The following BABAM2 variants were observed in gnomAD, a reference collection of about 807,000 sequenced individuals.
The protein encoded by BABAM2 is BRISC and BRCA1-A complex member 2.
Under a neutral mutation model 54.7 loss-of-function variants are expected in BABAM2, and 31 were observed. The observed-to-expected ratio is 0.57, with a 90% CI of 0.43 to 0.77. BABAM2 has a LOEUF of 0.77. Among genes scored for constraint, BABAM2 ranks in the 30% least tolerant of loss-of-function variants. The probability of loss-of-function intolerance (pLI) is 0.00; values close to 1 mark genes in which losing one functional copy is unlikely to be tolerated. For missense variants in BABAM2, 364 were observed against 455.8 expected, an observed-to-expected ratio of 0.80 and a Z score of 1.83; for synonymous variants, 167 against 162.9, an observed-to-expected ratio of 1.03 and a Z score of -0.19.
At chr2:28,249,899 T>C (rs1229462249) in intron 10 of BABAM2, among the ~76,000 whole-genome samples, 2 of 152,096 alleles carry the variant, frequency 1.3e-5, no homozygotes, top group East Asian at 3.9e-4. Context: ...TCCCAAAGTG[T>C]TGGGATTACA....
At chr2:28,294,739 A>G (rs558187964) in intron 10 of BABAM2, among the ~76,000 whole-genome samples, 1 of 152,324 alleles carries the variant, frequency 6.6e-6, no homozygotes, top group South Asian at 2.1e-4. Flanking sequence ...CATTTTATTG[A>G]CCATTGACTG....
Position 28,115,443 on chromosome 2 carries a change from G to A in BABAM2, c.571-13828G>A, listed in dbSNP as rs202147735. ...AGATCGAGACCATCCTGGCTAACACGATGAAACCCTGTCTCTACTAAAAAT... is the reference window on the plus strand; with the variant it reads ...AGATCGAGACCATCCTGGCTAACACAATGAAACCCTGTCTCTACTAAAAAT... On this transcript the variant is annotated intron_variant, in intron 6 of 11. Coordinates refer to ENST00000379624, the MANE Select transcript of BABAM2 (RefSeq NM_199191.3). 1.7e-4 allele frequency among the ~76,000 whole-genome samples: 26 copies of A among 151,990 alleles called. No homozygotes were observed. In the East Asian group the frequency reaches 3.9e-3, roughly 23 times the overall value.
chr2:28,124,000 C>T (rs1433736156), intron 6 of BABAM2, among the ~76,000 whole-genome samples: 1 of 152,072 alleles, frequency 6.6e-6, no homozygotes, highest in East Asian at 1.9e-4. Flanking sequence ...ATAAATTACC[C>T]ATAGGCATAT....
Position 27,910,544 on chromosome 2 carries a change from T to C in BABAM2, c.128+15860T>C, listed in dbSNP as rs1489581302. On this transcript the variant is annotated intron_variant, in intron 2 of 11. Transcript: ENST00000379624. ...CAAAACCCAGAACATTATCAGCACC[T>C]TGTACGTCCTCTTTGTGCTCCCATC... 2.6e-5 allele frequency among the ~76,000 whole-genome samples: 4 copies of C among 152,148 alleles called. No homozygotes were observed. In the South Asian group the frequency reaches 8.3e-4, roughly 32 times the overall value.
chr2:27,967,755 G>A (rs1233299249), intron 3 of BABAM2, among the ~76,000 whole-genome samples: 2 of 152,158 alleles, frequency 1.3e-5, no homozygotes. Flanking sequence ...TTCAGATGGA[G>A]ATGAGGAACT....
intron 11 of BABAM2, chr2:28,308,181 A>C: frequency 3.1e-6 from 1 of 323,800 alleles, no homozygotes; most frequent in Admixed American, 3.3e-5. Context: ...AAGTGAAAAA[A>C]GTTCTTGCCC....
At chr2:28,025,148 A>G (rs961642202) in intron 4 of BABAM2, 78 bp from the exon 5 acceptor site, 3 of 1,303,858 alleles carry the variant, frequency 2.3e-6, no homozygotes, top group South Asian at 1.5e-5. Flanking sequence ...TTTCCTCTAC[A>G]TTGATGTGTG....
intron 6 of BABAM2, among the ~76,000 whole-genome samples, chr2:28,104,536 A>G (rs1667340707): frequency 6.6e-6 from 1 of 152,200 alleles, no homozygotes; most frequent in Admixed American, 6.5e-5. Context: ...AAGTCAGGAA[A>G]CAACAGGTGC....
chr2:28,164,919 A>G (rs950378111), intron 7 of BABAM2, among the ~76,000 whole-genome samples: 23 of 152,176 alleles, frequency 1.5e-4, no homozygotes, highest in African/African-American at 5.6e-4. Flanking sequence ...TTTATTAAGT[A>G]CATTCTTAAG....
At chr2:28,232,792 T>C (rs746837959) in intron 7 of BABAM2, among the ~76,000 whole-genome samples, 4 of 152,164 alleles carry the variant, frequency 2.6e-5, no homozygotes, top group Non-Finnish European at 5.9e-5. Context: ...CATGACTGCA[T>C]GAGAGATGTG....
At chr2:28,093,597 C>T (rs138555695) in intron 6 of BABAM2, among the ~76,000 whole-genome samples, 86 of 152,192 alleles carry the variant, frequency 5.7e-4, no homozygotes, top group Non-Finnish European at 1.1e-3. Context: ...AAAGATAGAA[C>T]GTTAATTTCC....
intron 10 of BABAM2, among the ~76,000 whole-genome samples, chr2:28,252,083 G>A (rs575985853): frequency 3.1e-4 from 47 of 152,122 alleles, no homozygotes; most frequent in African/African-American, 1.1e-3. Context: ...TCTTGGGAGA[G>A]GCTGAGATAG....
chr2:28,336,883 GTTCTC>G (rs1299908196), intron 11 of BABAM2, among the ~76,000 whole-genome samples: 4 of 152,250 alleles, frequency 2.6e-5, no homozygotes, highest in Non-Finnish European at 4.4e-5. Flanking sequence ...GCAGTTTTCT[GTTCTC>G]TTCTCACTGC....
intron 3 of BABAM2, among the ~76,000 whole-genome samples, chr2:27,985,057 A>ATGTGTGTGTGTGTGTGTGTGTG (rs35552031): frequency 2.2e-5 from 3 of 137,512 alleles, no homozygotes; most frequent in African/African-American, 8.2e-5. Context: ...GTATTCCATG[A>ATGTGTGTGTGTGTGTGTGTGTG]TGTGTGTGTG....
At chr2:28,067,979 A>G (rs1314704482) in intron 6 of BABAM2, among the ~76,000 whole-genome samples, 1 of 152,224 alleles carries the variant, frequency 6.6e-6, no homozygotes, top group African/African-American at 2.4e-5. Context: ...GCGTGTATGT[A>G]AAATGATTTA....
At chr2:28,265,637 T>C (rs1684916415) in intron 10 of BABAM2, among the ~76,000 whole-genome samples, 1 of 151,990 alleles carries the variant, frequency 6.6e-6, no homozygotes, top group Non-Finnish European at 1.5e-5. Context: ...TGCATGCACA[T>C]ATGTGCACAC....
chr2:28,246,599 T>A (rs1682939895), intron 10 of BABAM2, among the ~76,000 whole-genome samples: 1 of 152,230 alleles, frequency 6.6e-6, no homozygotes, highest in Non-Finnish European at 1.5e-5. Flanking sequence ...GACACTAAGA[T>A]GAATGCTTCA....
chr2:28,044,141 G>A (rs536617582), intron 5 of BABAM2, among the ~76,000 whole-genome samples: 1 of 152,158 alleles, frequency 6.6e-6, no homozygotes, highest in Non-Finnish European at 1.5e-5. Flanking sequence ...CATTTAGGCA[G>A]ATATTAGTTA....
chr2:27,890,361 C>A, upstream of BABAM2: 1 of 1,610,660 alleles, frequency 6.2e-7, no homozygotes, highest in Non-Finnish European at 8.5e-7. The surrounding 1 kb of genome is among the most constrained non-coding windows in gnomAD (Gnocchi z 4.8). Flanking sequence ...AAAGGTGCTG[C>A]TGTCCAACCT....
Sources: gnomAD v4.1 joint callset for allele counts (sites outside exome capture counted in the v4.1 genomes callset) on GRCh38, gnomAD v4.1.1 for gene constraint, Gnocchi (gnomAD v3.1) non-coding constraint, MANE v1.5 for transcripts, NCBI Gene and HGNC (gene_info 2026-07-23, HGNC 2026-07-21) for gene names.